The following NCAM2 variants were observed in gnomAD, a reference collection of about 807,000 sequenced individuals.
NCAM2 encodes N-CAM-2.
A neutral mutation model predicts 98.1 loss-of-function variants in NCAM2; 30 were observed. The observed-to-expected ratio is 0.31, with a 90% CI of 0.23 to 0.41. NCAM2 has a LOEUF of 0.41. Ranked by LOEUF, NCAM2 falls within the 10% of genes least tolerant of loss-of-function variation. The pLI is 1.00. For missense variants in NCAM2, 867 were observed against 1,005.8 expected (o/e 0.86, Z 1.87); for synonymous variants, 368 against 342.4 (o/e 1.07, Z -0.83).
chr21:21,416,133 C>T (rs1240389045), intron 10 of NCAM2, among the ~76,000 whole-genome samples: 2 of 152,038 alleles, frequency 1.3e-5, no homozygotes, highest in African/African-American at 4.8e-5. Context: ...ACATGAACAC[C>T]TAGAGACCAT....
At chr21:21,160,207 G>T (rs1247132261) in intron 1 of NCAM2, among the ~76,000 whole-genome samples, 1 of 151,904 alleles carries the variant, frequency 6.6e-6, no homozygotes, top group African/African-American at 2.4e-5. Context: ...ACATCATGTG[G>T]ACAAAAAGAC....
At chr21:21,068,970 C>T (rs559414150) in intron 1 of NCAM2, among the ~76,000 whole-genome samples, 6 of 152,256 alleles carry the variant, frequency 3.9e-5, no homozygotes, top group Non-Finnish European at 8.8e-5. Context: ...TTCCTGGAAT[C>T]ACTCTGCTAA....
intron 1 of NCAM2, among the ~76,000 whole-genome samples, chr21:21,224,211 T>C (rs546742756): frequency 2.8e-4 from 42 of 152,280 alleles, no homozygotes; most frequent in African/African-American, 1.0e-3. Context: ...TTTTCACATT[T>C]CCACGCTTCT....
chr21:21,373,746 A>T (rs1402242363), intron 8 of NCAM2, 117 bp from the exon 9 acceptor site: 3 of 896,434 alleles, frequency 3.3e-6, no homozygotes, highest in Non-Finnish European at 4.8e-6. Context: ...CATCAGGAAC[A>T]GTTTCTTTTT....
At chr21:21,521,766 T>A (rs1307961050) in intron 16 of NCAM2, among the ~76,000 whole-genome samples, 1 of 151,486 alleles carries the variant, frequency 6.6e-6, no homozygotes. Context: ...GAACATAATA[T>A]CCAAGAACCA....
At chr21:21,073,369 TAAA>T (rs1370388322) in intron 1 of NCAM2, among the ~76,000 whole-genome samples, 1 of 152,172 alleles carries the variant, frequency 6.6e-6, no homozygotes, top group Non-Finnish European at 1.5e-5. Context: ...AATCTGTGTC[TAAA>T]AAAGAGTTGC....
chr21:21,070,892 C>T (rs1423797378), intron 1 of NCAM2, among the ~76,000 whole-genome samples: 1 of 152,108 alleles, frequency 6.6e-6, no homozygotes, highest in Non-Finnish European at 1.5e-5. Flanking sequence ...TTAGATATTA[C>T]ATTTGAAGAA....
At chr21:21,393,019 C>T (rs921645629) in intron 9 of NCAM2, among the ~76,000 whole-genome samples, 4 of 151,926 alleles carry the variant, frequency 2.6e-5, no homozygotes, top group Non-Finnish European at 4.4e-5. Context: ...AAATCTTTGC[C>T]CATGTCTATG....
chr21:21,371,767 G>A (rs534148021), intron 8 of NCAM2, among the ~76,000 whole-genome samples: 3 of 151,784 alleles, frequency 2.0e-5, no homozygotes, highest in East Asian at 1.9e-4. Flanking sequence ...TATCTATCTT[G>A]TTTGTTTAAC....
chr21:21,274,419 C>T (rs537223826), intron 1 of NCAM2, among the ~76,000 whole-genome samples: 17 of 152,280 alleles, frequency 1.1e-4, no homozygotes, highest in Admixed American at 1.0e-3. Context: ...TAGAGAATTT[C>T]TCTCCTAAGT....
chr21:21,416,332 T>C (rs1234760402), intron 10 of NCAM2, among the ~76,000 whole-genome samples: 2 of 152,202 alleles, frequency 1.3e-5, no homozygotes, highest in South Asian at 4.2e-4. Flanking sequence ...CCATCAAAGA[T>C]TACTGATCAC....
intron 4 of NCAM2, among the ~76,000 whole-genome samples, chr21:21,289,087 T>A (rs1353812419): frequency 4.6e-5 from 7 of 151,956 alleles, no homozygotes; most frequent in Non-Finnish European, 5.9e-5. Context: ...TTGGCCAGTT[T>A]GGAAATTCTC....
At chr21:21,186,058 A>G (rs1279511395) in intron 1 of NCAM2, among the ~76,000 whole-genome samples, 1 of 152,150 alleles carries the variant, frequency 6.6e-6, no homozygotes, top group Non-Finnish European at 1.5e-5. Context: ...TCAGTCTGTG[A>G]CAGTTCATAG....
chr21:21,210,806 T>A, intron 1 of NCAM2: 1 of 371,530 alleles, frequency 2.7e-6, no homozygotes, highest in South Asian at 2.7e-5. Flanking sequence ...GGAGAATGTG[T>A]CTTGTAGTTC....
At chr21:21,179,023 G>T (rs2068386301) in intron 1 of NCAM2, among the ~76,000 whole-genome samples, 1 of 152,010 alleles carries the variant, frequency 6.6e-6, no homozygotes, top group African/African-American at 2.4e-5. Context: ...GGCCAGAGGG[G>T]CTAACACATA....
At chr21:21,345,250 G>A (rs1173235192) in intron 8 of NCAM2, among the ~76,000 whole-genome samples, 1 of 151,784 alleles carries the variant, frequency 6.6e-6, no homozygotes, top group African/African-American at 2.4e-5. Flanking sequence ...AACACCATCC[G>A]GGAAAGCATG....
At chr21:20,999,352 T>TAAA (rs573704807) in intron 1 of NCAM2, among the ~76,000 whole-genome samples, 2,953 of 146,174 alleles carry the variant, frequency 0.02, 86 homozygotes, top group African/African-American at 0.069. Flanking sequence ...TTTTATCTCT[T>TAAA]AAAAAAAAAA....
rs2073098294 is a variant in NCAM2 at position 21,286,285 on chromosome 21, A to G, written c.354A>G (p.Arg118=). The change falls in exon 4 of 18, where the codon AGA becomes AGG. Residue 118 remains arginine (R), a synonymous_variant. Coordinates refer to ENST00000400546, the MANE Select transcript of NCAM2 (RefSeq NM_004540.5). ...VLEIYQKLTF[R]EVVSPQEFKQ... Reference sequence around the variant, plus strand: ...TTGATACAGAAAAACTCACTTTCAGAGAAGTGGTATCTCCACAAGAATTCA... The same window carrying G: ...TTGATACAGAAAAACTCACTTTCAGGGAAGTGGTATCTCCACAAGAATTCA... The G allele has an allele frequency of 6.2e-7, 1 of 1,606,152 alleles. No individual in the cohort carries two copies. Among genetic ancestry groups the G allele is most frequent in the Non-Finnish European group, 8.5e-7 (1 of 1,175,626 alleles).
chr21:21,452,825 T>G, intron 12 of NCAM2, among the ~76,000 whole-genome samples: 1 of 104,544 alleles, frequency 9.6e-6, no homozygotes, highest in East Asian at 2.8e-4. Flanking sequence ...TATTATATAA[T>G]ATATATAATA....
Sources: allele counts gnomAD v4.1 joint callset (sites outside exome capture counted in the v4.1 genomes callset), GRCh38; gene constraint gnomAD v4.1.1; transcripts MANE v1.5; gene names NCBI Gene and HGNC (gene_info 2026-07-23, HGNC 2026-07-21).